Variants in ZNF658 observed in about 807,000 individuals in gnomAD.
ZNF658 encodes zinc finger protein 658.
A neutral mutation model predicts 78.0 loss-of-function variants in ZNF658; 46 were observed. The ratio of observed to expected loss-of-function variants is 0.59; its 90% CI spans 0.47 to 0.75. The LOEUF (loss-of-function observed/expected upper bound fraction) is 0.75. Ranked by LOEUF, ZNF658 falls within the 30% of genes least tolerant of loss-of-function variation. The pLI is 0.00. For synonymous variants in ZNF658, 279 were observed against 408.4 expected (o/e 0.68, Z 3.82); for missense variants, 785 against 1,189.3 (o/e 0.66, Z 5.00).
intron 4 of ZNF658, among the ~76,000 whole-genome samples, chr9:66,910,224 G>A (rs1054120494): frequency 7.9e-5 from 12 of 152,144 alleles, no homozygotes; most frequent in Admixed American, 3.3e-4. Context: ...ATGATATCAG[G>A]CATCTTTTTA....
At chr9:66,911,544 TTAAAAG>T (rs1822214171) in intron 4 of ZNF658, among the ~76,000 whole-genome samples, 1 of 121,656 alleles carries the variant, frequency 8.2e-6, no homozygotes, top group Non-Finnish European at 1.7e-5. Flanking sequence ...ACAGAAGAAT[TTAAAAG>T]TAAAATTAAA....
chr9:66,928,715 C>A (rs1351252454), intron 6 of ZNF658, among the ~76,000 whole-genome samples: 2 of 144,708 alleles, frequency 1.4e-5, no homozygotes, highest in Non-Finnish European at 3.0e-5. Context: ...AAAAAAATAG[C>A]CAGGAGATTT....
chr9:66,908,270 A>G lies in ZNF658; in HGVS notation c.48A>G (p.Glu16=). 6.2e-7 allele frequency: 1 copy of G among 1,614,054 alleles called. No individual in the cohort carries two copies. The highest frequency in any genetic ancestry group is 8.5e-7 in the Non-Finnish European group (1 of 1,179,992). Residue 16 remains glutamate, a synonymous_variant, in exon 3 of 5, where the codon GAA becomes GAG. Coordinates refer to ENST00000621410, the MANE Select transcript of ZNF658 (RefSeq NM_033160.7). ...ASVSFQDVTV[E]FTREEWQHLG... ...TGTCATTCCAGGACGTGACTGTGGA[A>G]TTCACCCGGGAGGAGTGGCAGCACC...
chr9:66,917,303 T>G (rs1315904215), intron 4 of ZNF658, among the ~76,000 whole-genome samples: 1 of 147,164 alleles, frequency 6.8e-6, no homozygotes, highest in Non-Finnish European at 1.5e-5. Flanking sequence ...CCACCTTGAC[T>G]GGCCCCGGAA....
At position 66,928,668 on chromosome 9, in the gene ZNF658, C is replaced by T. The variant is rs574362803; in HGVS notation, c.*55-3357C>T. The stretch of plus-strand genomic sequence containing the variant: ...GAGATGGAGACCATCCTGGCTAACA[C>T]GGTGAAACCCCATCTCTACTAAAAA... On this transcript the variant is annotated intron_variant and NMD_transcript_variant, in intron 6 of 6. Coordinates refer to the ZNF658 transcript ENST00000622180. 4.0e-3 allele frequency among the ~76,000 whole-genome samples: 590 copies of T among 148,480 alleles called. 2 individuals are homozygous for T. Among genetic ancestry groups the T allele is most frequent in the Middle Eastern group, 7.1e-3 (2 of 282 alleles).
At chr9:66,914,109 A>T (rs1170016784) in intron 4 of ZNF658, among the ~76,000 whole-genome samples, 1 of 151,690 alleles carries the variant, frequency 6.6e-6, no homozygotes, top group Non-Finnish European at 1.5e-5. Flanking sequence ...AATCTGTAGA[A>T]CTTAGGAGAA....
chr9:66,901,650 A>C (rs1821955084), intron 1 of ZNF658, among the ~76,000 whole-genome samples: 1 of 152,056 alleles, frequency 6.6e-6, no homozygotes, highest in African/African-American at 2.4e-5. Context: ...CACAAATATA[A>C]ATCAGAATTT....
At chr9:66,911,151 AC>A (rs1822206831) in intron 4 of ZNF658, among the ~76,000 whole-genome samples, 1 of 122,708 alleles carries the variant, frequency 8.1e-6, no homozygotes. Flanking sequence ...AGTGAACCAT[AC>A]ATTTGTGTAT....
At chr9:66,926,299 C>T (rs1295045254), downstream of ZNF658, among the ~76,000 whole-genome samples, 2 of 140,876 alleles carry the variant, frequency 1.4e-5, no homozygotes, top group African/African-American at 5.2e-5. Context: ...GAAATTGTAC[C>T]TGTTTAAACA....
intron 6 of ZNF658, among the ~76,000 whole-genome samples, chr9:66,927,048 A>T (rs1285230356): frequency 6.6e-6 from 1 of 152,122 alleles, no homozygotes; most frequent in African/African-American, 2.4e-5. Flanking sequence ...ATACACAAAA[A>T]TTAAATCAAA....
intron 2 of ZNF658, among the ~76,000 whole-genome samples, chr9:66,907,286 C>T (rs1564169764): frequency 6.6e-6 from 1 of 152,092 alleles, no homozygotes. Context: ...GTTGAACGAA[C>T]AGTTCTAGCT....
chr9:66,920,982 T>G lies in ZNF658; in HGVS notation c.*236T>G. 1 of 579,996 alleles carries G rather than the reference T, an allele frequency of 1.7e-6. No individual in the cohort carries two copies. The highest frequency in any genetic ancestry group is 2.1e-5 in the South Asian group (1 of 46,660). 35.9% of individuals were successfully genotyped at this position (579,996 alleles called of 1,614,324 possible). A position where few individuals can be genotyped will look rare whatever the true frequency, so the allele number is the denominator to read the frequency against. ...AAACCCTCACAGTCTTCCTGGTTCA[T>G]AAGATGGATTTGGAGGTTATTTCTG... On this transcript the variant is annotated 3_prime_UTR_variant, in exon 5 of 5. Transcript: ENST00000621410.
chr9:66,931,838 A>G, intron 6 of ZNF658, among the ~76,000 whole-genome samples: 1 of 147,150 alleles, frequency 6.8e-6, no homozygotes. Flanking sequence ...GACATAGTCT[A>G]TTGAAGCAGT....
At chr9:66,916,483 T>G (rs1249576340) in intron 4 of ZNF658, among the ~76,000 whole-genome samples, 1 of 144,720 alleles carries the variant, frequency 6.9e-6, no homozygotes, top group African/African-American at 2.6e-5. Context: ...TCTGTTTTGA[T>G]GATTGTTCCA....
chr9:66,925,995 T>C (rs1260461579), downstream of ZNF658, among the ~76,000 whole-genome samples: 18 of 138,396 alleles, frequency 1.3e-4, no homozygotes, highest in African/African-American at 4.3e-4. Flanking sequence ...CACAAAATCA[T>C]CTCAATAGAT....
intron 4 of ZNF658, among the ~76,000 whole-genome samples, chr9:66,916,493 A>G (rs1822338479): frequency 7.0e-6 from 1 of 143,672 alleles, no homozygotes; most frequent in South Asian, 2.4e-4. Flanking sequence ...TGATTGTTCC[A>G]TGTGCATTTC....
intron 4 of ZNF658, among the ~76,000 whole-genome samples, chr9:66,915,135 T>G (rs999386720): frequency 6.6e-6 from 1 of 151,928 alleles, no homozygotes; most frequent in Non-Finnish European, 1.5e-5. Flanking sequence ...TCTTAAGCCT[T>G]ATTTACATAT....
At chr9:66,915,577 G>A (rs552938117) in intron 4 of ZNF658, among the ~76,000 whole-genome samples, 3 of 151,376 alleles carry the variant, frequency 2.0e-5, no homozygotes, top group African/African-American at 7.3e-5. Flanking sequence ...TCCTGCACTG[G>A]GAAAAATAAA....
In ZNF658 at chr9:66,918,595, T is replaced by C. The variant is rs202205372; in HGVS notation, c.1029T>C (p.His343=). 5 of 1,609,874 alleles carry C rather than the reference T, an allele frequency of 3.1e-6. No individual in the cohort carries two copies. The African/African-American group carries it at 4.0e-5, about 13-fold the overall frequency. Residue 343 remains histidine (H), a synonymous_variant, in exon 5 of 5, where the codon CAT becomes CAC. Transcript: ENST00000621410. ...NFSQSSAHIV[H]QKTQAGDKFG... is the part of the protein sequence containing the mutation. ...GCCAGAGCTCAGCCCATATAGTACA[T>C]CAGAAAACACAAGCTGGAGATAAAT... is the stretch of plus-strand genomic sequence containing the variant.
Sources: allele counts gnomAD v4.1 joint callset (sites outside exome capture counted in the v4.1 genomes callset), GRCh38; gene constraint gnomAD v4.1.1; transcripts MANE v1.5; gene names NCBI Gene and HGNC (gene_info 2026-07-23, HGNC 2026-07-21).